Variants in LPA observed in about 807,000 individuals in gnomAD.
LPA encodes lipoprotein(a), also known as apolipoprotein(a).
A neutral mutation model predicts 197.9 loss-of-function variants in LPA; 199 were observed. The observed-to-expected ratio is 1.01, with a 90% confidence interval of 0.90 to 1.13. LPA has a LOEUF of 1.13. LPA is among the 50% of genes most tolerant of loss of function. The probability of loss-of-function intolerance (pLI) is 0.00; values close to 1 mark genes in which losing one functional copy is unlikely to be tolerated. For missense variants in LPA, 1,853 were observed against 1,785.8 expected (o/e 1.04, Z -0.68); for synonymous variants, 715 against 639.5 (o/e 1.12, Z -1.78).
intron 28 of LPA, among the ~76,000 whole-genome samples, chr6:160,561,237 T>C (rs1041676260): frequency 1.3e-5 from 2 of 152,190 alleles, no homozygotes; most frequent in Non-Finnish European, 2.9e-5. Context: ...TTGAGTTAAT[T>C]TGTGTATAAG....
chr6:160,572,481 G>A (rs1301474786), intron 28 of LPA, among the ~76,000 whole-genome samples: 2 of 152,140 alleles, frequency 1.3e-5, no homozygotes, highest in African/African-American at 4.8e-5. Flanking sequence ...TTTTTAACTT[G>A]TACTTTTGTT....
chr6:160,597,836 T>C (rs1779162558), intron 20 of LPA, among the ~76,000 whole-genome samples: 2 of 152,220 alleles, frequency 1.3e-5, no homozygotes, highest in African/African-American at 4.8e-5. Flanking sequence ...TTTTTATGTG[T>C]AGTAAAGTTA....
chr6:160,546,461 A>G (rs1395482527), intron 32 of LPA, among the ~76,000 whole-genome samples: 1 of 152,142 alleles, frequency 6.6e-6, no homozygotes, highest in Non-Finnish European at 1.5e-5. Context: ...AATATCTTTT[A>G]TAATAAATGG....
chr6:160,610,802 C>A (rs568953063), intron 16 of LPA, among the ~76,000 whole-genome samples: 23 of 152,124 alleles, frequency 1.5e-4, no homozygotes, highest in Non-Finnish European at 2.9e-4. Flanking sequence ...GGAAGAAAGC[C>A]AAGGCATCTA....
intron 37 of LPA, 101 bp from the exon 38 acceptor site, chr6:160,532,750 C>T (rs957688530): frequency 3.9e-5 from 32 of 811,174 alleles, no homozygotes; most frequent in Middle Eastern, 2.2e-4. Context: ...CCTGTCTGTC[C>T]GTGAGGCTGC....
intron 30 of LPA, among the ~76,000 whole-genome samples, chr6:160,551,746 T>C (rs1353070004): frequency 6.6e-6 from 1 of 152,204 alleles, no homozygotes; most frequent in Non-Finnish European, 1.5e-5. Context: ...TTTTGTTTTG[T>C]ATCATGGATA....
At chr6:160,607,683 G>A (rs1779387903) in intron 16 of LPA, among the ~76,000 whole-genome samples, 1 of 146,864 alleles carries the variant, frequency 6.8e-6, no homozygotes, top group Admixed American at 6.7e-5. Flanking sequence ...CGGGCCATGG[G>A]GATGAAACAC....
rs538153890 is a variant in LPA, at chr6:160,634,550, A to C, written c.1075+573T>G. ...TTCTCTCTAGACCCCTCACAGGTAC[A>C]AGTGCCATCAGAAAGAGGTTTAAGA... On this transcript the variant is annotated intron_variant, in intron 7 of 38. Coordinates refer to ENST00000316300, the MANE Select transcript of LPA (RefSeq NM_005577.4). 3.5e-3 allele frequency among the ~76,000 whole-genome samples: 499 copies of C among 142,370 alleles called. 1 individual carries two copies. The highest frequency in any genetic ancestry group is 0.014 in the African/African-American group (496 of 35,010). The allele number at this position is 142,370 out of a possible 152,430, so 93.4% of individuals were successfully genotyped here.
chr6:160,540,198 G>A lies in LPA; in HGVS notation c.5595-15C>T. 6.2e-7 allele frequency: 1 copy of A among 1,614,080 alleles called. No individual in the cohort carries two copies. The highest frequency in any genetic ancestry group is 1.3e-5 in the African/African-American group (1 of 75,024). On this transcript the variant is annotated splice_polypyrimidine_tract_variant and intron_variant, in intron 35 of 38. Transcript: ENST00000316300. ...GCCTTGAGGACCTAGAAAAGATGAG[G>A]ATGTCAAGAGAAAAATATGGTCCAG...
chr6:160,537,810 A>C, intron 37 of LPA, 45 bp downstream of exon 37: 1 of 1,548,306 alleles, frequency 6.5e-7, no homozygotes, highest in South Asian at 1.1e-5. Flanking sequence ...ACATGCACTG[A>C]AGGTCAAAAA....
intron 20 of LPA, among the ~76,000 whole-genome samples, chr6:160,596,287 A>G (rs1779130493): frequency 6.6e-6 from 1 of 152,210 alleles, no homozygotes. Context: ...CAAAGAATCA[A>G]CTTTCTGTTT....
chr6:160,574,164 G>A (rs1310715231), intron 28 of LPA, among the ~76,000 whole-genome samples: 3 of 152,044 alleles, frequency 2.0e-5, no homozygotes, highest in Non-Finnish European at 4.4e-5. Context: ...CATCTGAGTT[G>A]TCGGGGAAGT....
rs771863444 is a variant in LPA at position 160,650,363 on chromosome 6, T to A, written c.184A>T (p.Arg62Trp). ...WSSMTPHQHN[R>W]TTENYPNAGL... ...GCATTTGGGTAGTTTTCTGTGGTCCTATTATGTTGATGTGGTGTCATAGAT... is the reference window on the plus strand; with the variant it reads ...GCATTTGGGTAGTTTTCTGTGGTCCAATTATGTTGATGTGGTGTCATAGAT... Residue 62 changes from arginine (R) to tryptophan (W), a missense_variant, in exon 2 of 39, where the codon AGG becomes TGG. This residue lies in a region of LPA where 88 missense variants were observed against 83.0 expected (regional missense o/e 1.06). Transcript: ENST00000316300. 6.2e-7 allele frequency: 1 copy of A among 1,613,834 alleles called. No individual in the cohort carries two copies.
intron 18 of LPA, among the ~76,000 whole-genome samples, chr6:160,602,994 GTTTTTTTT>G (rs10548212): frequency 1.6e-5 from 2 of 121,402 alleles, no homozygotes; most frequent in Non-Finnish European, 3.4e-5. Context: ...GAATCATACA[GTTTTTTTT>G]TTTTTTTTTT....
chr6:160,584,575 G>T (rs760769306), intron 26 of LPA, among the ~76,000 whole-genome samples: 1 of 151,884 alleles, frequency 6.6e-6, no homozygotes, highest in Non-Finnish European at 1.5e-5. Flanking sequence ...CTGGTGATCT[G>T]CCCGTCTTGT....
chr6:160,555,285 TTA>T lies in LPA; in HGVS notation c.4973+738_4973+739del, dbSNP rs1374940128. 1.3e-3 allele frequency among the ~76,000 whole-genome samples: 149 copies of T among 117,420 alleles called. 1 individual carries two copies. The highest frequency in any genetic ancestry group is 4.8e-3 in the African/African-American group (142 of 29,530). The allele number at this position is 117,420 out of a possible 152,430, so 77.0% of individuals were successfully genotyped here. Reference sequence around the variant, plus strand: ...TTATATTATATTATATTATATTATATTATATGTTAGTGTGTGTGTGTGTGTGT... The same window carrying T: ...TTATATTATATTATATTATATTATATTATGTTAGTGTGTGTGTGTGTGTGT... On this transcript the variant is annotated intron_variant, in intron 30 of 38. Transcript: ENST00000316300.
chr6:160,650,597 C>T lies in LPA; in HGVS notation c.50-100G>A, dbSNP rs149327832. The stretch of plus-strand genomic sequence containing the variant: ...AACAGGAAAAAGTCTCTGAGAATTA[C>T]GACCATTCTCTTCTCTTGATTAGCA... On this transcript the variant is annotated intron_variant, in intron 1 of 38. Coordinates refer to ENST00000316300, the MANE Select transcript of LPA (RefSeq NM_005577.4). 101 of 1,159,234 alleles carry T rather than the reference C, an allele frequency of 8.7e-5. 1 individual carries two copies. The highest frequency in any genetic ancestry group is 6.9e-4 in the East Asian group (29 of 42,210). 71.8% of individuals were successfully genotyped at this position (1,159,234 alleles called of 1,614,324 possible).
intron 26 of LPA, among the ~76,000 whole-genome samples, chr6:160,583,795 G>A (rs547630812): frequency 7.8e-4 from 118 of 152,230 alleles, no homozygotes; most frequent in African/African-American, 2.7e-3. Context: ...CCCCAGTTTA[G>A]CAAGACTGCT....
intron 28 of LPA, among the ~76,000 whole-genome samples, chr6:160,568,665 G>T (rs1778507371): frequency 6.6e-6 from 1 of 152,140 alleles, no homozygotes; most frequent in Non-Finnish European, 1.5e-5. Context: ...GGAAATAAAG[G>T]GTATTCAGTT....
Sources: allele counts gnomAD v4.1 joint callset (sites outside exome capture counted in the v4.1 genomes callset), GRCh38; gene constraint gnomAD v4.1.1; regional missense constraint gnomAD v4.1.1; transcripts MANE v1.5; gene names NCBI Gene and HGNC (gene_info 2026-07-23, HGNC 2026-07-21).